The following EMSY variants were observed in gnomAD, a reference collection of about 807,000 sequenced individuals.
EMSY encodes the protein BRCA2-interacting transcriptional repressor EMSY.
A neutral mutation model predicts 134.6 loss-of-function variants in EMSY; 26 were observed. That is an observed-to-expected ratio of 0.19 (90% CI 0.14 to 0.27). The LOEUF (loss-of-function observed/expected upper bound fraction) is 0.27, where lower values mean the gene tolerates loss of function less well. EMSY is among the 10% of genes least tolerant of loss of function. EMSY has a pLI of 1.00. For missense variants in EMSY, 1,305 were observed against 1,611.4 expected, an observed-to-expected ratio of 0.81 and a Z score of 3.26; for synonymous variants, 579 against 577.8, an observed-to-expected ratio of 1.00 and a Z score of -0.03.
chr11:76,445,601 C>G (rs890879217), intron 1 of EMSY, among the ~76,000 whole-genome samples: 8 of 152,134 alleles, frequency 5.3e-5, no homozygotes, highest in Admixed American at 1.3e-4. Flanking sequence ...CTCCTTGACA[C>G]TTGAGTGGGG....
chr11:76,524,492 G>C (rs1950773967), intron 12 of EMSY, among the ~76,000 whole-genome samples: 1 of 152,114 alleles, frequency 6.6e-6, no homozygotes, highest in Admixed American at 6.5e-5. Context: ...ATTGCTCCTA[G>C]CCTGAATTTA....
At chr11:76,498,733 C>T (rs764230034) in intron 9 of EMSY, among the ~76,000 whole-genome samples, 3 of 152,106 alleles carry the variant, frequency 2.0e-5, no homozygotes, top group Non-Finnish European at 2.9e-5. Flanking sequence ...ATATTTAGTG[C>T]ATGTAATAGA....
chr11:76,503,930 G>A (rs926056148), intron 9 of EMSY, among the ~76,000 whole-genome samples: 5 of 151,448 alleles, frequency 3.3e-5, no homozygotes, highest in Admixed American at 2.6e-4. Flanking sequence ...GATTACAGGC[G>A]CGCACCATCA....
chr11:76,467,193 G>T (rs1175091572), intron 7 of EMSY, among the ~76,000 whole-genome samples: 2 of 152,106 alleles, frequency 1.3e-5, no homozygotes, highest in African/African-American at 4.8e-5. Flanking sequence ...TATAGTTATT[G>T]CTTTCTAAGC....
chr11:76,480,763 AG>A (rs1338710650), intron 8 of EMSY, among the ~76,000 whole-genome samples: 2 of 152,128 alleles, frequency 1.3e-5, no homozygotes, highest in Non-Finnish European at 2.9e-5. Context: ...TAGCCCATGG[AG>A]GGTGAGCCAA....
chr11:76,502,352 G>C, intron 9 of EMSY, among the ~76,000 whole-genome samples: 1 of 99,498 alleles, frequency 1.0e-5, no homozygotes, highest in East Asian at 3.0e-4. Context: ...CCCGTTTACA[G>C]ATGACATGAT....
chr11:76,505,362 A>AT (rs372496170), intron 9 of EMSY, among the ~76,000 whole-genome samples: 25,163 of 126,724 alleles, frequency 0.2, 2,992 homozygotes, highest in East Asian at 0.43. Context: ...CGCCCGGCTA[A>AT]TTTTTTTTTT....
At chr11:76,500,860 T>A (rs1949833382) in intron 9 of EMSY, among the ~76,000 whole-genome samples, 1 of 152,180 alleles carries the variant, frequency 6.6e-6, no homozygotes. Context: ...CAAATAACTA[T>A]GCAAATAACA....
Position 76,545,034 on chromosome 11 carries a change from A to C in EMSY, c.3273+212A>C, listed in dbSNP as rs187187631. Among the ~76,000 whole-genome samples, 85 of 152,324 alleles carry C rather than the reference A, an allele frequency of 5.6e-4. 2 individuals carry two copies. On this transcript the variant is annotated intron_variant, in intron 19 of 20. Coordinates refer to ENST00000334736, the Ensembl canonical transcript of EMSY. ...ATGTAGGAAGAAAAAAAAGCATAGC[A>C]CTCAAAACTTGATTTTTCAGGCAGT...
At chr11:76,544,332 T>C in exon 19 of EMSY, 1 of 1,614,184 alleles carries the variant, frequency 6.2e-7, no homozygotes, top group Non-Finnish European at 8.5e-7. Context: ...GTTGAAGAGA[T>C]GGACACTTTA....
intron 11 of EMSY, among the ~76,000 whole-genome samples, chr11:76,521,932 G>T (rs1448963431): frequency 6.6e-6 from 1 of 152,014 alleles, no homozygotes; most frequent in Non-Finnish European, 1.5e-5. Context: ...AGTAAGGTGG[G>T]AGGACCACTT....
In EMSY at chr11:76,542,019, C is replaced by CA; in HGVS notation, c.2558-196dup. 4.6e-6 allele frequency: 3 copies of CA among 645,232 alleles called. No individual in the cohort carries two copies. In the East Asian group the frequency reaches 8.1e-5, roughly 17 times the overall value. 40.0% of individuals were successfully genotyped at this position (645,232 alleles called of 1,614,324 possible). On this transcript the variant is annotated intron_variant, in intron 17 of 20. Coordinates refer to ENST00000334736, the Ensembl canonical transcript of EMSY. ...TATTCCCATTTTGCAGATGAGGAAACAGTCTCAGAGAAGATAAGAGACTTT... is the reference window on the plus strand; with the variant it reads ...TATTCCCATTTTGCAGATGAGGAAACAAGTCTCAGAGAAGATAAGAGACTTT...
At chr11:76,506,166 A>T (rs1315864664) in intron 9 of EMSY, among the ~76,000 whole-genome samples, 1 of 150,892 alleles carries the variant, frequency 6.6e-6, no homozygotes, top group Non-Finnish European at 1.5e-5. Flanking sequence ...CCAGGGCATT[A>T]AAAAAAAACT....
chr11:76,546,890 G>A (rs981384215), intron 20 of EMSY: 7 of 282,282 alleles, frequency 2.5e-5, no homozygotes, highest in Non-Finnish European at 4.1e-5. Context: ...TTCAATCATT[G>A]TTATTAAAAA....
At chr11:76,496,108 T>G in intron 8 of EMSY, 107 bp from the exon 10 acceptor site, 5 of 1,247,804 alleles carry the variant, frequency 4.0e-6, no homozygotes, top group Non-Finnish European at 5.5e-6. Flanking sequence ...AATTGTACTT[T>G]TTGTTGATTT....
chr11:76,490,589 T>TG (rs1469681408), intron 8 of EMSY, among the ~76,000 whole-genome samples: 1 of 152,236 alleles, frequency 6.6e-6, no homozygotes, highest in Non-Finnish European at 1.5e-5. Context: ...CCCTTCCTTG[T>TG]GCTATGGTTG....
chr11:76,543,425 A>T (rs1951519438), intron 18 of EMSY, among the ~76,000 whole-genome samples: 1 of 152,090 alleles, frequency 6.6e-6, no homozygotes. Context: ...TCATTGAGGG[A>T]AGCCAACTGG....
intron 2 of EMSY, 122 bp from the exon 3 acceptor site, chr11:76,451,736 G>A: frequency 2.1e-6 from 1 of 482,060 alleles, no homozygotes; most frequent in Non-Finnish European, 3.5e-6. Flanking sequence ...TTTTTGAAAG[G>A]AATTTAAAAC....
intron 7 of EMSY, 143 bp downstream of exon 8, chr11:76,464,223 A>T (rs73493478): frequency 9.3e-7 from 1 of 1,076,804 alleles, no homozygotes; most frequent in African/African-American, 1.6e-5. Flanking sequence ...TTAATTTTCC[A>T]GATAAGGCTT....
Sources: gnomAD v4.1 joint callset for allele counts (sites outside exome capture counted in the v4.1 genomes callset) on GRCh38, gnomAD v4.1.1 for gene constraint, MANE v1.5 for transcripts, NCBI Gene and HGNC (gene_info 2026-07-23, HGNC 2026-07-21) for gene names.